MAGED2: variants seen among roughly 807,000 people sequenced by gnomAD.
MAGED2 encodes the protein MAGE family member D2.
Under a neutral mutation model 41.7 loss-of-function variants are expected in MAGED2, and 6 were observed. That is an observed-to-expected ratio of 0.14 (90% confidence interval 0.08 to 0.28). The LOEUF is 0.28. Among genes scored for constraint, MAGED2 ranks in the 10% least tolerant of loss-of-function variants. The probability of loss-of-function intolerance (pLI) is 1.00; values close to 1 mark genes in which losing one functional copy is unlikely to be tolerated. For missense variants in MAGED2, 343 were observed against 486.4 expected (o/e 0.71, Z 2.77); for synonymous variants, 146 against 178.2 (o/e 0.82, Z 1.44).
At chrX:54,812,601 T>G (rs1428547443) in intron 7 of MAGED2, among the ~76,000 whole-genome samples, 2 of 111,801 alleles carry the variant, frequency 1.8e-5, no homozygotes, top group Non-Finnish European at 3.8e-5. Context: ...TGTGGGTGGA[T>G]CAGGATGCAT....
intron 2 of MAGED2, 24 bp downstream of exon 2, chrX:54,809,400 C>G (rs758551313): frequency 5.2e-5 from 62 of 1,181,171 alleles, no homozygotes; most frequent in Non-Finnish European, 6.6e-5. Context: ...CTGTCCTTTC[C>G]CCAGCTGCTT....
intron 4 of MAGED2, 38 bp from the exon 5 acceptor site, chrX:54,811,212 A>G: frequency 8.3e-7 from 1 of 1,203,848 alleles, no homozygotes; most frequent in South Asian, 1.8e-5. Flanking sequence ...TTTTCTGCAA[A>G]CTTGTTTTGG....
At position 54,814,677 on chromosome X, in the gene MAGED2, A is replaced by G; in HGVS notation, c.1288A>G (p.Arg430Gly). 8.3e-7 allele frequency: 1 copy of G among 1,203,805 alleles called. No homozygotes were observed. The highest frequency in any genetic ancestry group is 1.1e-6 in the Non-Finnish European group (1 of 887,995). ...FVKQKYLDYA[R>G]VPNSNPPEYE... ...CTTTCCAAGGTACCTGGACTATGCC[A>G]GAGTCCCCAATAGCAATCCCCCTGA... The change falls in exon 11 of 13, where the codon AGA becomes GGA. Residue 430 changes from arginine (R) to glycine (G), a missense_variant. Around this residue, in one of 3 missense-constraint regions of MAGED2, gnomAD observed 95 missense variants for 204.8 expected, o/e 0.46. Coordinates refer to ENST00000375068, the MANE Select transcript of MAGED2 (RefSeq NM_177433.3).
Position 54,813,494 on chromosome X carries a change from T to G in MAGED2, c.1215T>G (p.His405Gln), listed in dbSNP as rs1929869676. 1.7e-6 allele frequency: 2 copies of G among 1,203,784 alleles called. No individual in the cohort carries two copies. Among genetic ancestry groups the G allele is most frequent in the East Asian group, 5.9e-5 (2 of 33,829 alleles). Residue 405 changes from histidine to glutamine, a missense_variant, in exon 10 of 13, where the codon CAT becomes CAG. Physicochemically the swap from His to Gln is conservative, Grantham distance 24. Around this residue, in one of 3 missense-constraint regions of MAGED2, gnomAD observed 95 missense variants for 204.8 expected, o/e 0.46. Transcript: ENST00000375068. ...TTTCTTTTTCTTCTCTCAGGATACA[T>G]CATTCACTCTTTGGGGACGTGAAGA... ...LRKLGLRPGI[H>Q]HSLFGDVKKL...
At chrX:54,811,675 A>T in intron 6 of MAGED2, 22 bp downstream of exon 6, 2 of 1,134,837 alleles carry the variant, frequency 1.8e-6, no homozygotes, top group Non-Finnish European at 2.4e-6. Flanking sequence ...GCCCTGGGGG[A>T]TGGGCACAGT....
In MAGED2 at chrX:54,809,585, G is replaced by A. The variant is rs533592745; in HGVS notation, c.46-137G>A. On this transcript the variant is annotated intron_variant, in intron 2 of 12. Coordinates refer to ENST00000375068, the MANE Select transcript of MAGED2 (RefSeq NM_177433.3). ...CTTGCTCAGAGGAAAGGGAGGCCTT[G>A]TTGGGCTGAGGTGGTCAGAGCACAC... 1.0e-4 allele frequency: 108 copies of A among 1,052,815 alleles called. 1 individual carries two copies. In the South Asian group the frequency reaches 2.3e-3, roughly 22 times the overall value. 86.8% of individuals were successfully genotyped at this position (1,052,815 alleles called of 1,213,427 possible).
chrX:54,812,079 T>A, intron 6 of MAGED2, 78 bp from the exon 7 acceptor site: 1 of 585,577 alleles, frequency 1.7e-6, no homozygotes, highest in Middle Eastern at 3.1e-4. Context: ...CATGCGAAAC[T>A]CCTAGGTACA....
At chrX:54,809,166 T>C in intron 1 of MAGED2, 137 bp from the exon 2 acceptor site, 1 of 477,198 alleles carries the variant, frequency 2.1e-6, no homozygotes, top group Middle Eastern at 4.2e-4. Context: ...AATTCCTGTA[T>C]CTGAGAACGG....
chrX:54,812,033 T>C, intron 6 of MAGED2, 124 bp from the exon 7 acceptor site: 1 of 481,879 alleles, frequency 2.1e-6, no homozygotes. Flanking sequence ...CACTTAGCTA[T>C]GTACTTTGTG....
intron 11 of MAGED2, 50 bp from the exon 12 acceptor site, chrX:54,815,198 A>G (rs377249034): frequency 3.5e-6 from 4 of 1,133,738 alleles, no homozygotes; most frequent in Non-Finnish European, 4.7e-6. Flanking sequence ...CTGTATTATT[A>G]CTATGGCTTA....
At position 54,813,517 on chromosome X, in the gene MAGED2, A is replaced by G. The variant is rs758463316; in HGVS notation, c.1238A>G (p.Lys413Arg). ...GIHHSLFGDV[K>R]KLITDEFVKQ... The stretch of plus-strand genomic sequence containing the variant: ...CATCATTCACTCTTTGGGGACGTGA[A>G]GAAGCTCATCACTGATGAGTTTGTG... The change falls in exon 10 of 13, where the codon AAG becomes AGG. Residue 413 changes from lysine to arginine, a missense_variant. Lys to Arg is a conservative substitution (Grantham distance 26). Transcript: ENST00000375068. 1.1e-4 allele frequency: 127 copies of G among 1,207,173 alleles called. No individual in the cohort carries two copies. Among genetic ancestry groups the G allele is most frequent in the Non-Finnish European group, 1.3e-4 (120 of 892,627 alleles).
intron 10 of MAGED2, 51 bp from the exon 11 acceptor site, chrX:54,814,610 G>A (rs771115934): frequency 1.3e-6 from 1 of 769,766 alleles, no homozygotes. Flanking sequence ...CTATGCATGG[G>A]TAGGCCATGA....
intron 4 of MAGED2, 47 bp downstream of exon 4, chrX:54,811,176 G>C (rs1339429854): frequency 8.3e-7 from 1 of 1,198,867 alleles, no homozygotes; most frequent in South Asian, 1.8e-5. Context: ...TGCCTTGGCT[G>C]TCCTTTTCTT....
intron 12 of MAGED2, 42 bp downstream of exon 12, chrX:54,815,732 G>T: frequency 1.1e-6 from 1 of 951,288 alleles, no homozygotes; most frequent in Admixed American, 2.9e-5. Context: ...GGGCTTATGG[G>T]GCTGGGATGA....
At position 54,811,618 on chromosome X, in the gene MAGED2, G is replaced by A. The variant is rs1929808015; in HGVS notation, c.955G>A (p.Glu319Lys). 8.3e-7 allele frequency: 1 copy of A among 1,208,899 alleles called. No individual in the cohort carries two copies. The highest frequency in any genetic ancestry group is 1.1e-6 in the Non-Finnish European group (1 of 892,925). Residue 319 changes from glutamate (E) to lysine (K), a missense_variant, in exon 6 of 13, where the codon GAA (glutamate) becomes AAA (lysine). By Grantham distance (56) the Glu-to-Lys change is moderately conservative. Around this residue, in one of 3 missense-constraint regions of MAGED2, gnomAD observed 95 missense variants for 204.8 expected, o/e 0.46. Transcript: ENST00000375068. ...IIKEYTDVYP[E>K]IIERAGYSLE... ...CAAAGAATACACTGATGTGTACCCC[G>A]AAATCATTGAACGAGCAGGCTATTC...
chrX:54,814,662 T>C lies in MAGED2; in HGVS notation c.1273T>C (p.Tyr425His). Residue 425 changes from tyrosine to histidine, a missense_variant and splice_region_variant, in exon 11 of 13, where the codon TAC (tyrosine) becomes CAC (histidine). By Grantham distance (83) the Tyr-to-His change is moderately conservative. Coordinates refer to ENST00000375068, the MANE Select transcript of MAGED2 (RefSeq NM_177433.3). ...AGGCTTTGAACCTCTCTTTCCAAGG[T>C]ACCTGGACTATGCCAGAGTCCCCAA... ...LITDEFVKQK[Y>H]LDYARVPNSN... 8.6e-7 allele frequency: 1 copy of C among 1,167,863 alleles called. No homozygotes were observed. The highest frequency in any genetic ancestry group is 1.2e-6 in the Non-Finnish European group (1 of 855,300).
Position 54,815,366 on chromosome X carries a change from G to T in MAGED2, c.1505G>T (p.Arg502Leu). The T allele has an allele frequency of 1.7e-6, 2 of 1,210,531 alleles. No individual in the cohort carries two copies. The highest frequency in any genetic ancestry group is 3.0e-5 in the East Asian group (1 of 33,771). ...EAKARAEIRA[R>L]MGIGLGSENA... The stretch of plus-strand genomic sequence containing the variant: ...AAGGCTAGGGCCGAGATTAGAGCTC[G>T]AATGGGCATTGGGCTCGGCTCGGAG... The change falls in exon 12 of 13, where the codon CGA (arginine) becomes CTA (leucine). Residue 502 changes from arginine (R) to leucine (L), a missense_variant. Physicochemically the swap from Arg to Leu is moderately radical, Grantham distance 102. Around this residue, in one of 3 missense-constraint regions of MAGED2, gnomAD observed 95 missense variants for 204.8 expected, o/e 0.46. Coordinates refer to ENST00000375068, the MANE Select transcript of MAGED2 (RefSeq NM_177433.3).
rs147480000 is a variant in MAGED2, at chrX:54,813,012, C to A, written c.1153C>A (p.Arg385=). 2.5e-6 allele frequency: 3 copies of A among 1,210,117 alleles called. No homozygotes were observed. The African/African-American group carries it at 5.2e-5, about 21-fold the overall frequency. ...TAGCATCATCTTCATGAATGGAAATCGGTCCAGTGAGGGTGAGTGGCTGGG... is the reference window on the plus strand; with the variant it reads ...TAGCATCATCTTCATGAATGGAAATAGGTCCAGTGAGGGTGAGTGGCTGGG... ...LLSIIFMNGN[R]SSEAVIWEVL... Residue 385 remains arginine, a synonymous_variant, in exon 8 of 13, where the codon CGG becomes AGG. Coordinates refer to ENST00000375068, the MANE Select transcript of MAGED2 (RefSeq NM_177433.3).
chrX:54,809,416 C>T (rs1210039689), intron 2 of MAGED2, 40 bp downstream of exon 2: 2 of 1,141,677 alleles, frequency 1.8e-6, no homozygotes, highest in Non-Finnish European at 1.2e-6. Flanking sequence ...TGCTTTTCCT[C>T]TCCAGCCCTT....
Sources: allele counts gnomAD v4.1 joint callset (sites outside exome capture counted in the v4.1 genomes callset), GRCh38; gene constraint gnomAD v4.1.1; regional missense constraint gnomAD v4.1.1; transcripts MANE v1.5; gene names NCBI Gene and HGNC (gene_info 2026-07-23, HGNC 2026-07-21).